SCHIP1: variants seen among roughly 807,000 people sequenced by gnomAD.
The protein encoded by SCHIP1 is schwannomin interacting protein 1, also known as schwannomin-interacting protein 1.
A neutral mutation model predicts 29.7 loss-of-function variants in SCHIP1; 8 were observed. That is an observed-to-expected ratio of 0.27 (90% CI 0.16 to 0.49). The LOEUF is 0.49. Among genes scored for constraint, SCHIP1 ranks in the 20% least tolerant of loss-of-function variants. SCHIP1 has a pLI of 0.99. For missense variants in SCHIP1, 193 were observed against 294.6 expected (o/e 0.66, Z 2.52); for synonymous variants, 76 against 94.9 (o/e 0.80, Z 1.16).
the SCHIP1 span, among the ~76,000 whole-genome samples, chr3:159,616,262 C>T: frequency 6.6e-6 from 1 of 152,198 alleles, no homozygotes; most frequent in Admixed American, 6.5e-5. Flanking sequence ...CCATGCCCAA[C>T]TAATTTTTTT....
chr3:159,324,094 G>C, the SCHIP1 span, among the ~76,000 whole-genome samples: 3 of 152,256 alleles, frequency 2.0e-5, no homozygotes, highest in East Asian at 3.9e-4. Context: ...TATAGATAAG[G>C]GGGGAGTAAT....
chr3:159,398,332 G>A, the SCHIP1 span, among the ~76,000 whole-genome samples: 100 of 152,146 alleles, frequency 6.6e-4, no homozygotes, highest in African/African-American at 2.1e-3. Flanking sequence ...GTTCCTATTC[G>A]GCCATCTTGG....
At chr3:159,819,657 A>G in the SCHIP1 span, among the ~76,000 whole-genome samples, 1 of 152,246 alleles carries the variant, frequency 6.6e-6, no homozygotes, top group African/African-American at 2.4e-5. Flanking sequence ...GAATGTTTTC[A>G]TAGCAGAGAA....
intron 2 of SCHIP1, among the ~76,000 whole-genome samples, chr3:159,870,103 T>G (rs1715093457): frequency 6.6e-6 from 1 of 151,966 alleles, no homozygotes; most frequent in Non-Finnish European, 1.5e-5. Flanking sequence ...ACTTCTCTAC[T>G]CTCCTATTAT....
the SCHIP1 span, among the ~76,000 whole-genome samples, chr3:159,370,622 T>C: frequency 1.9e-4 from 29 of 152,152 alleles, no homozygotes; most frequent in Non-Finnish European, 4.0e-4. Context: ...GTGAAAAAGA[T>C]CCAACCTCTT....
the SCHIP1 span, among the ~76,000 whole-genome samples, chr3:159,725,290 G>A: frequency 8.6e-5 from 11 of 128,470 alleles, no homozygotes; most frequent in Non-Finnish European, 1.5e-4. Context: ...TTTTTTTTAA[G>A]ACAGAATCTC....
the SCHIP1 span, among the ~76,000 whole-genome samples, chr3:159,720,915 A>T: frequency 2.0e-5 from 3 of 152,180 alleles, no homozygotes; most frequent in African/African-American, 4.8e-5. Context: ...CAGAAAGTAA[A>T]CATTCTTTAT....
intron 1 of SCHIP1, among the ~76,000 whole-genome samples, chr3:159,846,880 T>C (rs1377355323): frequency 2.0e-5 from 3 of 152,052 alleles, no homozygotes; most frequent in Non-Finnish European, 4.4e-5. Flanking sequence ...TATATGCATT[T>C]TTTTTTTAGC....
chr3:159,408,299 A>AAAT, the SCHIP1 span, among the ~76,000 whole-genome samples: 212 of 151,592 alleles, frequency 1.4e-3, 1 homozygote, highest in African/African-American at 4.2e-3. Flanking sequence ...CTCTATCTCA[A>AAAT]AATAATAATA....
the SCHIP1 span, among the ~76,000 whole-genome samples, chr3:159,508,857 T>C: frequency 2.0e-5 from 3 of 152,216 alleles, no homozygotes; most frequent in Admixed American, 6.5e-5. Context: ...TTCTGTTCTT[T>C]TACATTTGCT....
the SCHIP1 span, among the ~76,000 whole-genome samples, chr3:159,623,531 C>A: frequency 6.6e-6 from 1 of 152,060 alleles, no homozygotes; most frequent in Non-Finnish European, 1.5e-5. Flanking sequence ...GAGGCTGAGG[C>A]AAGAGAATTG....
At chr3:159,820,173 A>G in the SCHIP1 span, among the ~76,000 whole-genome samples, 80 of 152,268 alleles carry the variant, frequency 5.3e-4, no homozygotes, top group African/African-American at 1.9e-3. Flanking sequence ...ACTCCTGATG[A>G]ACATTCTGAA....
chr3:159,304,055 T>G, the SCHIP1 span, among the ~76,000 whole-genome samples: 2 of 137,896 alleles, frequency 1.5e-5, no homozygotes, highest in Non-Finnish European at 3.1e-5. Flanking sequence ...ATGTTCCCCT[T>G]CCTGTGTCCA....
chr3:159,551,737 A>G, the SCHIP1 span, among the ~76,000 whole-genome samples: 1 of 152,082 alleles, frequency 6.6e-6, no homozygotes, highest in African/African-American at 2.4e-5. Flanking sequence ...ATTCTTTTTC[A>G]TTAAAAAAAA....
At chr3:159,467,813 T>C in the SCHIP1 span, among the ~76,000 whole-genome samples, 1 of 152,136 alleles carries the variant, frequency 6.6e-6, no homozygotes, top group Non-Finnish European at 1.5e-5. Context: ...GATGAGTTAT[T>C]ATGGAATGTT....
chr3:159,761,449 T>C, the SCHIP1 span, among the ~76,000 whole-genome samples: 1 of 152,204 alleles, frequency 6.6e-6, no homozygotes, highest in Non-Finnish European at 1.5e-5. Context: ...AGCTCCTAAC[T>C]TGAAAAAATG....
chr3:159,441,479 C>G, the SCHIP1 span, among the ~76,000 whole-genome samples: 63 of 151,680 alleles, frequency 4.2e-4, no homozygotes, highest in South Asian at 8.3e-4. Context: ...TTTTTTTTGG[C>G]GGGGTGACAG....
intron 5 of SCHIP1, among the ~76,000 whole-genome samples, chr3:159,890,709 C>T (rs1717426550): frequency 6.6e-6 from 1 of 152,060 alleles, no homozygotes; most frequent in Admixed American, 6.5e-5. Context: ...GACTTTTAAA[C>T]ACTGAAATTG....
the SCHIP1 span, chr3:159,765,289 C>G: frequency 8.9e-6 from 8 of 897,526 alleles, no homozygotes; most frequent in Non-Finnish European, 1.3e-5. Flanking sequence ...CTGCCGTCTG[C>G]TCCCCTGGGG....
Sources: allele counts gnomAD v4.1 joint callset (sites outside exome capture counted in the v4.1 genomes callset), GRCh38; gene constraint gnomAD v4.1.1; transcripts MANE v1.5; gene names NCBI Gene and HGNC (gene_info 2026-07-23, HGNC 2026-07-21).